The following POU2F2 variants were observed in gnomAD, a reference collection of about 807,000 sequenced individuals.
POU2F2 encodes POU class 2 homeobox 2, also known as POU domain, class 2, transcription factor 2.
In POU2F2, 14 loss-of-function variants were observed where a neutral mutation model predicts 63.5. That is an observed-to-expected ratio of 0.22 (90% CI 0.15 to 0.34). The LOEUF (loss-of-function observed/expected upper bound fraction) is 0.34. POU2F2 is among the 10% of genes least tolerant of loss of function. The pLI, the probability that POU2F2 is intolerant of heterozygous loss-of-function variation, is 1.00. For synonymous variants in POU2F2, 306 were observed against 348.6 expected (o/e 0.88, Z 1.36); for missense variants, 607 against 815.2 (o/e 0.74, Z 3.11).
chr19:42,127,961 GGGT>G (rs2146685410), intron 1 of POU2F2, among the ~76,000 whole-genome samples: 1 of 152,064 alleles, frequency 6.6e-6, no homozygotes, highest in Non-Finnish European at 1.5e-5. Context: ...TCTCCCACTT[GGGT>G]GACCCTTTCC....
intron 2 of POU2F2, among the ~76,000 whole-genome samples, chr19:42,148,479 G>T (rs757405884): frequency 2.5e-4 from 38 of 152,016 alleles, no homozygotes; most frequent in African/African-American, 9.2e-4. Context: ...ACTCCCCTCC[G>T]CAAACCAGGT....
chr19:42,104,871 C>G (rs906313315), intron 5 of POU2F2, among the ~76,000 whole-genome samples: 1 of 152,146 alleles, frequency 6.6e-6, no homozygotes, highest in African/African-American at 2.4e-5. Context: ...TCCCTGACCC[C>G]CTGGGGGTGC....
chr19:42,170,510 C>A (rs1185850645), intron 1 of POU2F2, among the ~76,000 whole-genome samples: 1 of 151,784 alleles, frequency 6.6e-6, no homozygotes, highest in Non-Finnish European at 1.5e-5. Context: ...CGCAAACACA[C>A]ACACGGACCC....
In POU2F2 at chr19:42,168,133, C is replaced by A. The variant is rs1424907360; in HGVS notation, c.-69-7741G>T. Among the ~76,000 whole-genome samples, 46 of 152,156 alleles carry A rather than the reference C, an allele frequency of 3.0e-4. 1 individual carries two copies. Among genetic ancestry groups the A allele is most frequent in the Non-Finnish European group, 1.5e-5 (1 of 68,024 alleles). Reference sequence around the variant, plus strand: ...GAGCAAGGGGAAGGTAGTTCTGTACCACCTCCCTCACCAGACCTTGGCCAG... The same window carrying A: ...GAGCAAGGGGAAGGTAGTTCTGTACAACCTCCCTCACCAGACCTTGGCCAG... On this transcript the variant is annotated intron_variant, in intron 1 of 6. Transcript: ENST00000524801.
chr19:42,192,568 C>T (rs932732202), intron 1 of POU2F2, among the ~76,000 whole-genome samples: 2 of 152,090 alleles, frequency 1.3e-5, no homozygotes, highest in African/African-American at 4.8e-5. Flanking sequence ...AATAATAATT[C>T]TTCTTATTTT....
At position 42,095,976 on chromosome 19, in the gene POU2F2, C is replaced by T. The variant is rs753161719; in HGVS notation, c.730-47G>A. ...GGGCCCGAAGTCAGGGTGGGGCCTT[C>T]CGGCACTGGGCCCGCTCCGCCCGCC... On this transcript the variant is annotated intron_variant, in intron 8 of 14. Coordinates refer to ENST00000692977, the MANE Select transcript of POU2F2 (RefSeq NM_001394376.1). This position sits in a 1 kb window ranked among gnomAD's most constrained non-coding sequence, Gnocchi z 7.1. 3.7e-6 allele frequency: 6 copies of T among 1,605,106 alleles called. No individual in the cohort carries two copies. Among genetic ancestry groups the T allele is most frequent in the Non-Finnish European group, 5.1e-6 (6 of 1,175,576 alleles).
At chr19:42,134,272 A>G (rs758213505), upstream of POU2F2, among the ~76,000 whole-genome samples, 9 of 152,072 alleles carry the variant, frequency 5.9e-5, no homozygotes, top group Non-Finnish European at 1.3e-4. Flanking sequence ...CAGACTCAAC[A>G]TCATCCACGT....
In POU2F2 at chr19:42,091,440, CG is replaced by C; in HGVS notation, c.1691del (p.Pro564ArgfsTer120). ...NHAGLPLLST[P>X]PGVGLVSAAA... ...CTGCTGAGACCAGGCCCACACCAGG[CG>C]GGGTGCTGAGCAGGGGCAGCCCAGC... On this transcript the variant is annotated frameshift_variant, in exon 15 of 15. Transcript: ENST00000692977. LOFTEE classifies it high-confidence loss of function. 1 of 1,550,562 alleles carries C rather than the reference CG, an allele frequency of 6.4e-7. No homozygotes were observed. The highest frequency in any genetic ancestry group is 8.7e-7 in the Non-Finnish European group (1 of 1,146,906).
chr19:42,195,621 C>A (rs185635080), intron 1 of POU2F2, among the ~76,000 whole-genome samples: 2 of 151,382 alleles, frequency 1.3e-5, no homozygotes, highest in African/African-American at 4.9e-5. Flanking sequence ...CATGAGCCAC[C>A]GCGCCTGGCC....
In POU2F2 at chr19:42,155,066, G is replaced by T. The variant is rs1017378968; in HGVS notation, c.-9+5266C>A. 3.5e-4 allele frequency among the ~76,000 whole-genome samples: 53 copies of T among 152,182 alleles called. No homozygotes were observed. The highest frequency in any genetic ancestry group is 1.2e-3 in the African/African-American group (48 of 41,418). ...GTACTCTGCCAGGCATGGCCAGCCT[G>T]GGGGGTGGGGGGCCAGGTGTGAGGT... is the stretch of plus-strand genomic sequence containing the variant. On this transcript the variant is annotated intron_variant, in intron 2 of 6. Transcript: ENST00000524801. The surrounding 1 kb of genome is among the most constrained non-coding windows in gnomAD (Gnocchi z 4.2).
At chr19:42,142,902 T>C (rs1684964165) in intron 2 of POU2F2, among the ~76,000 whole-genome samples, 1 of 152,122 alleles carries the variant, frequency 6.6e-6, no homozygotes, top group African/African-American at 2.4e-5. Context: ...ACATATTAAA[T>C]GATACACATG....
At chr19:42,106,303 G>T (rs1444017441) in intron 5 of POU2F2, among the ~76,000 whole-genome samples, 2 of 152,022 alleles carry the variant, frequency 1.3e-5, no homozygotes, top group Admixed American at 1.3e-4. Context: ...TAGAGAAGGG[G>T]TTTCACCATG....
At position 42,117,319 on chromosome 19, in the gene POU2F2, C is replaced by A; in HGVS notation, c.300G>T (p.Leu100=). ...PSGDSAPAAP[L]PPQPAQPHLP... ...GATGAGGCTGGGCCGGCTGAGGGGG[C>A]AGGGGTGCTGCTGGGGCTGAATCGC... Residue 100 remains leucine, a synonymous_variant, in exon 5 of 15, where the codon CTG becomes CTT. Transcript: ENST00000692977. The surrounding 1 kb of genome is among the most constrained non-coding windows in gnomAD (Gnocchi z 4.4). 1 of 1,524,086 alleles carries A rather than the reference C, an allele frequency of 6.6e-7. No homozygotes were observed. Among genetic ancestry groups the A allele is most frequent in the Non-Finnish European group, 8.7e-7 (1 of 1,147,050 alleles). The allele number at this position is 1,524,086 out of a possible 1,614,324, so 94.4% of individuals were successfully genotyped here.
At chr19:42,167,822 C>T (rs2034683359) in intron 1 of POU2F2, among the ~76,000 whole-genome samples, 1 of 152,162 alleles carries the variant, frequency 6.6e-6, no homozygotes, top group African/African-American at 2.4e-5. Context: ...GGCCTTCTGA[C>T]CCATTCATTC....
Position 42,188,436 on chromosome 19 carries a change from C to T in POU2F2, c.-70+7947G>A, listed in dbSNP as rs537167995. 1.1e-3 allele frequency among the ~76,000 whole-genome samples: 171 copies of T among 151,214 alleles called. 1 individual carries two copies. Among genetic ancestry groups the T allele is most frequent in the Middle Eastern group, 0.01 (3 of 292 alleles). ...CTGTAATCCCAACACTTTGGGAGGC[C>T]GAGGTGGGTGGATCACCTGAGGTCA... On this transcript the variant is annotated intron_variant, in intron 1 of 5. Coordinates refer to the POU2F2 transcript ENST00000532176.
In POU2F2 at chr19:42,087,530, C is replaced by A. The variant is rs1366749227; in HGVS notation, c.*3727G>T. On this transcript the variant is annotated 3_prime_UTR_variant, in exon 15 of 15. Transcript: ENST00000692977. ...TGGGTTCCCCATCCCTACCCACCCC[C>A]ACACACACACCCACCCCACCCCCCA... is the stretch of plus-strand genomic sequence containing the variant. 3 of 150,178 alleles carry A rather than the reference C, an allele frequency of 2.0e-5. No homozygotes were observed. Among genetic ancestry groups the A allele is most frequent in the Non-Finnish European group, 3.0e-5 (2 of 67,448 alleles). 9.3% of individuals were successfully genotyped at this position (150,178 alleles called of 1,614,324 possible).
intron 1 of POU2F2, among the ~76,000 whole-genome samples, chr19:42,168,336 G>A (rs1374435358): frequency 3.9e-5 from 6 of 152,160 alleles, no homozygotes; most frequent in Non-Finnish European, 8.8e-5. Context: ...TTGTGGTTAT[G>A]TGGTGCGCCC....
intron 1 of POU2F2, among the ~76,000 whole-genome samples, chr19:42,188,677 A>T (rs1221546958): frequency 2.7e-5 from 4 of 149,304 alleles, no homozygotes; most frequent in Non-Finnish European, 4.5e-5. Flanking sequence ...CTCAAAAAAA[A>T]AAAAAAAAAG....
intron 2 of POU2F2, among the ~76,000 whole-genome samples, chr19:42,139,321 A>T (rs2034081862): frequency 6.6e-6 from 1 of 152,126 alleles, no homozygotes. Context: ...CTGTCTCTGA[A>T]AAACAAACCA....
Sources: allele counts gnomAD v4.1 joint callset (sites outside exome capture counted in the v4.1 genomes callset), GRCh38; gene constraint gnomAD v4.1.1; non-coding constraint Gnocchi (gnomAD v3.1); transcripts MANE v1.5; gene names NCBI Gene and HGNC (gene_info 2026-07-23, HGNC 2026-07-21).